DPYD: variants seen among roughly 807,000 people sequenced by gnomAD.
The protein encoded by DPYD is dihydropyrimidine dehydrogenase.
In DPYD, 109 loss-of-function variants were observed where a neutral mutation model predicts 116.2. That is an observed-to-expected ratio of 0.94 (90% CI 0.80 to 1.10). DPYD has a LOEUF of 1.10. Ranked by LOEUF, DPYD falls within the 50% of genes least tolerant of loss-of-function variation. The pLI, the probability that DPYD is intolerant of heterozygous loss-of-function variation, is 0.00. For missense variants in DPYD, 1,302 were observed against 1,254.5 expected, an observed-to-expected ratio of 1.04 and a Z score of -0.57; for synonymous variants, 440 against 432.0, an observed-to-expected ratio of 1.02 and a Z score of -0.23.
intron 18 of DPYD, among the ~76,000 whole-genome samples, chr1:97,304,971 C>A (rs1045113903): frequency 6.6e-6 from 1 of 151,676 alleles, no homozygotes; most frequent in Non-Finnish European, 1.5e-5. Context: ...TCATATTAAC[C>A]CTTACTAGTA....
chr1:97,804,335 A>C (rs574279964), intron 3 of DPYD, among the ~76,000 whole-genome samples: 3 of 151,958 alleles, frequency 2.0e-5, no homozygotes, highest in Middle Eastern at 3.4e-3. Context: ...ATTTTCTCAG[A>C]AATAGACACG....
chr1:97,517,394 G>A (rs970925645), intron 12 of DPYD, among the ~76,000 whole-genome samples: 1 of 152,052 alleles, frequency 6.6e-6, no homozygotes, highest in Non-Finnish European at 1.5e-5. Flanking sequence ...ATGTATATCT[G>A]TCCACGCATG....
intron 8 of DPYD, among the ~76,000 whole-genome samples, chr1:97,626,440 A>G (rs936807315): frequency 2.0e-5 from 3 of 152,040 alleles, no homozygotes; most frequent in Non-Finnish European, 4.4e-5. Flanking sequence ...TACTACAAAG[A>G]CAAGAAAAAA....
chr1:97,567,541 G>A (rs2102159177), intron 11 of DPYD, among the ~76,000 whole-genome samples: 1 of 152,212 alleles, frequency 6.6e-6, no homozygotes, highest in East Asian at 1.9e-4. Context: ...TTCCCTGGCT[G>A]TGCCCTGAGC....
In DPYD at chr1:97,921,016, A is replaced by C. The variant is rs1478146106; in HGVS notation, c.-94T>G. 2.7e-6 allele frequency: 4 copies of C among 1,491,960 alleles called. No homozygotes were observed. The African/African-American group carries it at 4.2e-5, about 16-fold the overall frequency. The allele number at this position is 1,491,960 out of a possible 1,614,324, so 92.4% of individuals were successfully genotyped here. ...GCCAAGTGACAGCAGCCGGAGCGCGAGTCGAAAACAGGCAGACTAGGGCCG... is the reference window on the plus strand; with the variant it reads ...GCCAAGTGACAGCAGCCGGAGCGCGCGTCGAAAACAGGCAGACTAGGGCCG... On this transcript the variant is annotated 5_prime_UTR_variant, in exon 1 of 23. Transcript: ENST00000370192.
At chr1:97,279,928 A>G (rs1665195251) in intron 18 of DPYD, 1 of 152,344 alleles carries the variant, frequency 6.6e-6, no homozygotes, top group Admixed American at 6.5e-5. Context: ...TGGGACTACC[A>G]TTCATCCACT....
At chr1:97,738,691 G>GT (rs72344193) in intron 4 of DPYD, among the ~76,000 whole-genome samples, 1,694 of 141,146 alleles carry the variant, frequency 0.012, 16 homozygotes, top group African/African-American at 0.031. Flanking sequence ...AATTAGGAGA[G>GT]TTTTTTTTTT....
At chr1:97,740,337 A>C in intron 4 of DPYD, 55 bp downstream of exon 4, 1 of 1,432,740 alleles carries the variant, frequency 7.0e-7, no homozygotes, top group Non-Finnish European at 9.8e-7. Context: ...CACAGATAAT[A>C]GAGAACAAGA....
chr1:97,542,530 T>C (rs912205082), intron 12 of DPYD, among the ~76,000 whole-genome samples: 1 of 152,214 alleles, frequency 6.6e-6, no homozygotes, highest in East Asian at 1.9e-4. Flanking sequence ...TTATTCTTTT[T>C]AAATTTTGTT....
At chr1:97,454,487 C>A (rs1381610876) in intron 13 of DPYD, among the ~76,000 whole-genome samples, 3 of 151,742 alleles carry the variant, frequency 2.0e-5, no homozygotes, top group Non-Finnish European at 3.0e-5. Context: ...AGTTCATTCT[C>A]TATAATAAAA....
intron 16 of DPYD, among the ~76,000 whole-genome samples, chr1:97,358,755 A>G (rs1670555154): frequency 6.6e-6 from 1 of 150,870 alleles, no homozygotes; most frequent in Non-Finnish European, 1.5e-5. Flanking sequence ...ACAGAAAGGA[A>G]TAGCATCAAC....
Position 97,079,124 on chromosome 1 carries a change from G to C in DPYD, c.2930C>G (p.Thr977Ser), listed in dbSNP as rs1259509543. Residue 977 changes from threonine (T) to serine (S), a missense_variant, in exon 23 of 23, where the codon ACC becomes AGC. Thr to Ser is a moderately conservative substitution (Grantham distance 58). Coordinates refer to ENST00000370192, the MANE Select transcript of DPYD (RefSeq NM_000110.4). ...GYQAIQFDPE[T>S]HLPTITDTCT... ...AGTGTCGGTTATGGTGGGCAGGTGG[G>C]TTTCTGGATCAAACTGTATAGCCTG... The C allele has an allele frequency of 6.2e-7, 1 of 1,613,578 alleles. No homozygotes were observed. The highest frequency in any genetic ancestry group is 1.7e-5 in the Admixed American group (1 of 59,976).
intron 4 of DPYD, among the ~76,000 whole-genome samples, chr1:97,725,484 G>A (rs1663200597): frequency 6.6e-6 from 1 of 151,466 alleles, no homozygotes; most frequent in African/African-American, 2.4e-5. Flanking sequence ...AGAGGATCCA[G>A]AATAGCTAAA....
intron 12 of DPYD, among the ~76,000 whole-genome samples, chr1:97,529,402 A>T (rs942831960): frequency 8.5e-5 from 13 of 152,186 alleles, no homozygotes; most frequent in Non-Finnish European, 8.8e-5. Context: ...ATTAATGGTT[A>T]AAAAACGGCT....
At chr1:97,842,536 C>A (rs956466377) in intron 2 of DPYD, among the ~76,000 whole-genome samples, 2 of 151,984 alleles carry the variant, frequency 1.3e-5, no homozygotes, top group African/African-American at 4.8e-5. Flanking sequence ...ACAATTCATA[C>A]AGGAACTTAT....
chr1:97,460,201 T>C (rs899280133), intron 13 of DPYD, among the ~76,000 whole-genome samples: 42 of 152,188 alleles, frequency 2.8e-4, no homozygotes, highest in Non-Finnish European at 8.8e-5. Context: ...AACTCTAAGA[T>C]TGTATGTTTT....
chr1:97,774,972 TG>T, intron 3 of DPYD: 1 of 331,010 alleles, frequency 3.0e-6, no homozygotes, highest in African/African-American at 2.2e-5. Context: ...CATGCCAAAC[TG>T]GAGTAGGGAC....
intron 18 of DPYD, among the ~76,000 whole-genome samples, chr1:97,237,697 A>AT (rs1222414734): frequency 6.6e-6 from 1 of 152,202 alleles, no homozygotes; most frequent in Non-Finnish European, 1.5e-5. Flanking sequence ...AAAGGAAAGC[A>AT]TTTTTTAAGG....
intron 20 of DPYD, among the ~76,000 whole-genome samples, chr1:97,158,516 C>G (rs1570572352): frequency 6.8e-6 from 1 of 147,594 alleles, no homozygotes; most frequent in African/African-American, 2.6e-5. Context: ...CACACACACA[C>G]ACACACACTC....
Sources: allele counts gnomAD v4.1 joint callset (sites outside exome capture counted in the v4.1 genomes callset), GRCh38; gene constraint gnomAD v4.1.1; transcripts MANE v1.5; gene names NCBI Gene and HGNC (gene_info 2026-07-23, HGNC 2026-07-21).